MPDZ: variants seen among roughly 807,000 people sequenced by gnomAD.
The protein encoded by MPDZ is multiple PDZ domain crumbs cell polarity complex component, also known as multiple PDZ domain protein.
Under a neutral mutation model 239.1 loss-of-function variants are expected in MPDZ, and 234 were observed. That is an observed-to-expected ratio of 0.98 (90% CI 0.88 to 1.09). MPDZ has a LOEUF of 1.09. Among genes scored for constraint, MPDZ ranks in the 50% least tolerant of loss-of-function variants. The probability of loss-of-function intolerance (pLI) is 0.00; values close to 1 mark genes in which losing one functional copy is unlikely to be tolerated. For missense variants in MPDZ, 3,175 were observed against 2,510.0 expected (o/e 1.26, Z -5.66); for synonymous variants, 1,048 against 881.3 (o/e 1.19, Z -3.35).
chr9:13,124,049 C>T (rs957130686), intron 35 of MPDZ, among the ~76,000 whole-genome samples: 2 of 152,176 alleles, frequency 1.3e-5, no homozygotes, highest in African/African-American at 4.8e-5. Flanking sequence ...GAGCATACAG[C>T]AAATAGCATG....
At chr9:13,119,362 G>C in intron 39 of MPDZ, 140 bp downstream of exon 39, 1 of 1,004,378 alleles carries the variant, frequency 1.0e-6, no homozygotes, top group Non-Finnish European at 1.4e-6. Flanking sequence ...TGGGATTATA[G>C]GCGTGAGCCA....
Position 13,193,200 on chromosome 9 carries a change from G to A in MPDZ, c.1770C>T (p.Ser590=), listed in dbSNP as rs559586362. The change falls in exon 14 of 47, where the codon AGC becomes AGT. Residue 590 remains serine (S), a synonymous_variant. Transcript: ENST00000319217. ...GCTCGTCTCCACTGAAGAGCTTCCC[G>A]CTGTGTCCAACAGGACCCTCTGGTA... ...SVLPEGPVGH[S]GKLFSGDELL... 93 of 1,599,942 alleles carry A rather than the reference G, an allele frequency of 5.8e-5. No homozygotes were observed. The South Asian group carries it at 6.0e-4, about 10-fold the overall frequency.
Position 13,106,870 on chromosome 9 carries a change from G to A in MPDZ, c.*95C>T, listed in dbSNP as rs955916581. The A allele has an allele frequency of 8.4e-5, 118 of 1,398,744 alleles. No homozygotes were observed. The highest frequency in any genetic ancestry group is 1.0e-4 in the Non-Finnish European group (103 of 1,016,732). 86.6% of individuals were successfully genotyped at this position (1,398,744 alleles called of 1,614,324 possible). A position where few individuals can be genotyped will look rare whatever the true frequency, so the allele number is the denominator to read the frequency against. Reference sequence around the variant, plus strand: ...TTCCCCCCTACAGTTTTGAAGACCCGGCTGAACACAGCATAAAAATTGTCA... The same window carrying A: ...TTCCCCCCTACAGTTTTGAAGACCCAGCTGAACACAGCATAAAAATTGTCA... On this transcript the variant is annotated 3_prime_UTR_variant, in exon 47 of 47. Transcript: ENST00000319217.
At position 13,263,022 on chromosome 9, in the gene MPDZ, CT is replaced by C. The variant is rs567960142; in HGVS notation, c.-57-12651del. On this transcript the variant is annotated intron_variant, in intron 1 of 46. Transcript: ENST00000319217. ...ACTCAATGGGGGAATTTAGCTTTCTCTTTTTTTTGTGTAAGGAAACTGTATT... is the reference window on the plus strand; with the variant it reads ...ACTCAATGGGGGAATTTAGCTTTCTCTTTTTTTGTGTAAGGAAACTGTATT... 1.7e-3 allele frequency among the ~76,000 whole-genome samples: 265 copies of C among 151,802 alleles called. 1 individual carries two copies. The highest frequency in any genetic ancestry group is 2.6e-3 in the Non-Finnish European group (178 of 67,910).
chr9:13,277,453 T>C (rs1974489445), intron 1 of MPDZ, among the ~76,000 whole-genome samples: 1 of 152,202 alleles, frequency 6.6e-6, no homozygotes, highest in Admixed American at 6.5e-5. Flanking sequence ...TACCCAAAAC[T>C]AGTTTTGCCT....
intron 45 of MPDZ, among the ~76,000 whole-genome samples, 197 bp downstream of exon 45, chr9:13,109,755 T>C (rs976717118): frequency 6.6e-6 from 1 of 152,216 alleles, no homozygotes; most frequent in African/African-American, 2.4e-5. Flanking sequence ...TATCTATCTC[T>C]ACTTATCTTT....
At chr9:13,237,004 C>T (rs1266567713) in intron 3 of MPDZ, among the ~76,000 whole-genome samples, 1 of 152,036 alleles carries the variant, frequency 6.6e-6, no homozygotes, top group East Asian at 1.9e-4. Context: ...GAAAAAAAGA[C>T]TACAAATTGC....
chr9:13,145,324 G>GC (rs949014886), intron 26 of MPDZ, among the ~76,000 whole-genome samples: 1 of 151,980 alleles, frequency 6.6e-6, no homozygotes, highest in Non-Finnish European at 1.5e-5. Context: ...TCTAAATGGG[G>GC]CCCCCCTTTC....
chr9:13,272,914 C>G (rs1973331709), intron 1 of MPDZ, among the ~76,000 whole-genome samples: 1 of 151,940 alleles, frequency 6.6e-6, no homozygotes. Context: ...TGTTTATATT[C>G]CCCCCAAATT....
intron 1 of MPDZ, among the ~76,000 whole-genome samples, chr9:13,253,273 T>G (rs1968589114): frequency 6.6e-6 from 1 of 151,910 alleles, no homozygotes; most frequent in Admixed American, 6.5e-5. Flanking sequence ...CTTTTGTATT[T>G]CAATGACTTT....
At chr9:13,181,436 G>A (rs1953310766) in intron 19 of MPDZ, among the ~76,000 whole-genome samples, 1 of 152,058 alleles carries the variant, frequency 6.6e-6, no homozygotes, top group African/African-American at 2.4e-5. Context: ...GTATTAGAAA[G>A]TTGTCACCAA....
In MPDZ at chr9:13,279,656, C is replaced by G. The variant is rs1975245576; in HGVS notation, c.-314G>C. On this transcript the variant is annotated 5_prime_UTR_variant, in exon 1 of 47. Transcript: ENST00000319217. ...CCAGCGCGCGCCGCACTTGCGCCGA[C>G]CGGGGCTGCCGCGGAGGCGGTGGCG... 1 of 150,322 alleles carries G rather than the reference C, an allele frequency of 6.7e-6. No individual in the cohort carries two copies. Among genetic ancestry groups the G allele is most frequent in the South Asian group, 2.1e-4 (1 of 4,830 alleles). 9.3% of individuals were successfully genotyped at this position (150,322 alleles called of 1,614,324 possible).
intron 35 of MPDZ, among the ~76,000 whole-genome samples, chr9:13,124,979 G>A (rs761671967): frequency 6.6e-6 from 1 of 152,098 alleles, no homozygotes; most frequent in Non-Finnish European, 1.5e-5. Context: ...CTTTGAGTGG[G>A]TAGGTTTCCT....
At chr9:13,237,944 A>G (rs1035543757) in intron 3 of MPDZ, among the ~76,000 whole-genome samples, 1 of 152,228 alleles carries the variant, frequency 6.6e-6, no homozygotes, top group Non-Finnish European at 1.5e-5. Context: ...AAATTCAAAG[A>G]GCAAGATAGA....
chr9:13,236,229 A>ATGTGTGTG (rs1564099296), intron 3 of MPDZ, among the ~76,000 whole-genome samples: 3 of 26,548 alleles, frequency 1.1e-4, no homozygotes, highest in African/African-American at 3.4e-4. Flanking sequence ...GTGTGTGTAT[A>ATGTGTGTG]TGTATATGTG....
chr9:13,250,458 T>C, intron 1 of MPDZ, 86 bp from the exon 2 acceptor site: 2 of 683,788 alleles, frequency 2.9e-6, no homozygotes, highest in South Asian at 4.2e-5. Context: ...TTGATACAAC[T>C]CTAATTCCTT....
At chr9:13,207,299 C>T (rs1000458343) in intron 10 of MPDZ, among the ~76,000 whole-genome samples, 3 of 152,052 alleles carry the variant, frequency 2.0e-5, no homozygotes, top group East Asian at 1.9e-4. Context: ...CTACAGAAAA[C>T]TCCTTAGGAC....
At chr9:13,129,350 C>G (rs989986336) in intron 32 of MPDZ, among the ~76,000 whole-genome samples, 8 of 151,620 alleles carry the variant, frequency 5.3e-5, no homozygotes, top group Non-Finnish European at 5.9e-5. Context: ...GTAATCCCAG[C>G]TACTCGGGAG....
intron 21 of MPDZ, among the ~76,000 whole-genome samples, chr9:13,175,073 C>T (rs965201029): frequency 2.6e-5 from 4 of 152,200 alleles, no homozygotes; most frequent in Non-Finnish European, 4.4e-5. Context: ...CAGAGCAACT[C>T]ATCTACCATT....
Sources: gnomAD v4.1 joint callset for allele counts (sites outside exome capture counted in the v4.1 genomes callset) on GRCh38, gnomAD v4.1.1 for gene constraint, MANE v1.5 for transcripts, NCBI Gene and HGNC (gene_info 2026-07-23, HGNC 2026-07-21) for gene names.